The following FMO3 variants were observed in gnomAD, a reference collection of about 807,000 sequenced individuals.
The protein encoded by FMO3 is flavin containing dimethylaniline monoxygenase 3.
Under a neutral mutation model 39.4 loss-of-function variants are expected in FMO3, and 40 were observed. The observed-to-expected ratio is 1.02, with a 90% CI of 0.79 to 1.32. The LOEUF (loss-of-function observed/expected upper bound fraction) is 1.32, where lower values mean the gene tolerates loss of function less well. FMO3 is among the 40% of genes most tolerant of loss of function. The pLI, the probability that FMO3 is intolerant of heterozygous loss-of-function variation, is 0.00. For synonymous variants in FMO3, 219 were observed against 228.8 expected, an observed-to-expected ratio of 0.96 and a Z score of 0.39; for missense variants, 680 against 651.8, an observed-to-expected ratio of 1.04 and a Z score of -0.47.
chr1:171,096,071 T>TA (rs1491505210), intron 2 of FMO3, among the ~76,000 whole-genome samples: 7,288 of 53,648 alleles, frequency 0.14, 770 homozygotes, highest in African/African-American at 0.32. Flanking sequence ...ATATTATATA[T>TA]TAATATATAA....
At chr1:171,102,266 C>T (rs1303868206) in intron 2 of FMO3, among the ~76,000 whole-genome samples, 1 of 152,156 alleles carries the variant, frequency 6.6e-6, no homozygotes, top group Admixed American at 6.5e-5. Context: ...GTTAGATGAG[C>T]TCTAATTAGA....
rs1260564877 is a variant in FMO3, at chr1:171,092,618, T to C, written c.-6-35T>C. 10 of 1,610,436 alleles carry C rather than the reference T, an allele frequency of 6.2e-6. No individual in the cohort carries two copies. In the African/African-American group the frequency reaches 1.1e-4, roughly 17 times the overall value. ...ATAAGTAAATACATTTTCAGCAATG[T>C]TGTTACTGGAAATGTTCTCTGGGCC... On this transcript the variant is annotated intron_variant, in intron 1 of 8. Transcript: ENST00000367755.
At position 171,094,402 on chromosome 1, in the gene FMO3, C is replaced by T. The variant is rs369344941; in HGVS notation, c.132+1612C>T. Among the ~76,000 whole-genome samples the T allele has an allele frequency of 2.6e-4, 39 of 152,022 alleles. No individual in the cohort carries two copies. In the East Asian group the frequency reaches 6.0e-3, roughly 23 times the overall value. Reference sequence around the variant, plus strand: ...ATGCATAGCTTGCAAATATTGTCTCCCATTCTGAAGGTAGTCTGTTCACTC... The same window carrying T: ...ATGCATAGCTTGCAAATATTGTCTCTCATTCTGAAGGTAGTCTGTTCACTC... On this transcript the variant is annotated intron_variant, in intron 2 of 8. Coordinates refer to ENST00000367755, the MANE Select transcript of FMO3 (RefSeq NM_001002294.3).
intron 7 of FMO3, among the ~76,000 whole-genome samples, chr1:171,114,700 A>C (rs1445727601): frequency 1.3e-5 from 2 of 152,120 alleles, no homozygotes; most frequent in Non-Finnish European, 2.9e-5. Context: ...TGATTGCAAA[A>C]CTCAGTAGAA....
At chr1:171,107,874 A>T in intron 4 of FMO3, 37 bp downstream of exon 4, 4 of 1,589,228 alleles carry the variant, frequency 2.5e-6, no homozygotes, top group Non-Finnish European at 3.5e-6. Flanking sequence ...CACATAACTG[A>T]CAAAAATGAA....
chr1:171,102,588 A>G (rs1655449530), intron 2 of FMO3, among the ~76,000 whole-genome samples: 1 of 152,200 alleles, frequency 6.6e-6, no homozygotes, highest in Non-Finnish European at 1.5e-5. Flanking sequence ...TGACTGACAA[A>G]CTTGGCTGCA....
In FMO3 at chr1:171,104,109, A is replaced by G. The variant is rs1655534038; in HGVS notation, c.321+136A>G. ...TTAACAGTGTGGCCTCTCTAACTCTAGGTTTAGAGAATTACCTTCTTCTCA... is the reference window on the plus strand; with the variant it reads ...TTAACAGTGTGGCCTCTCTAACTCTGGGTTTAGAGAATTACCTTCTTCTCA... On this transcript the variant is annotated intron_variant, in intron 3 of 8. Transcript: ENST00000367755. The G allele has an allele frequency of 6.3e-5, 46 of 724,770 alleles. 1 individual carries two copies. The South Asian group carries it at 7.3e-4, about 12-fold the overall frequency. The allele number at this position is 724,770 out of a possible 1,614,324, so 44.9% of individuals were successfully genotyped here.
intron 8 of FMO3, among the ~76,000 whole-genome samples, chr1:171,116,869 A>C (rs574488715): frequency 6.6e-6 from 1 of 152,208 alleles, no homozygotes; most frequent in Non-Finnish European, 1.5e-5. Context: ...GGTATTTCCA[A>C]ATGAAACCAT....
Position 171,107,596 on chromosome 1 carries a change from CTT to C in FMO3, c.322-76_322-75del, listed in dbSNP as rs1655700425. 1.5e-4 allele frequency: 170 copies of C among 1,145,650 alleles called. 1 individual carries two copies. In the South Asian group the frequency reaches 2.1e-3, roughly 14 times the overall value. The allele number at this position is 1,145,650 out of a possible 1,614,324, so 71.0% of individuals were successfully genotyped here. A position where few individuals can be genotyped will look rare whatever the true frequency, so the allele number is the denominator to read the frequency against. On this transcript the variant is annotated intron_variant, in intron 3 of 8. Transcript: ENST00000367755. Reference sequence around the variant, plus strand: ...ATCATTAAATATTTTTCTTAACCCACTTTTCTTTTTTCATACTGTATCTGCCA... The same window carrying C: ...ATCATTAAATATTTTTCTTAACCCACTTCTTTTTTCATACTGTATCTGCCA...
At chr1:171,113,894 T>C (rs1227390266) in intron 6 of FMO3, 113 bp from the exon 7 acceptor site, 2 of 710,262 alleles carry the variant, frequency 2.8e-6, no homozygotes, top group East Asian at 2.7e-5. Context: ...ACTCTATGCC[T>C]CAGAAAAAAA....
At chr1:171,093,641 T>TAAAC (rs980890873) in intron 2 of FMO3, among the ~76,000 whole-genome samples, 6 of 152,086 alleles carry the variant, frequency 3.9e-5, no homozygotes, top group Non-Finnish European at 7.4e-5. Flanking sequence ...GGTGCTGCGA[T>TAAAC]AAACATATGG....
chr1:171,105,282 T>G (rs573901959), intron 3 of FMO3, among the ~76,000 whole-genome samples: 1 of 152,310 alleles, frequency 6.6e-6, no homozygotes, highest in South Asian at 2.1e-4. Flanking sequence ...CAAAGTTATT[T>G]TATGACATTA....
intron 2 of FMO3, among the ~76,000 whole-genome samples, chr1:171,094,257 G>A (rs1461720302): frequency 6.6e-6 from 1 of 152,000 alleles, no homozygotes; most frequent in African/African-American, 2.4e-5. Context: ...CCATTGGTAT[G>A]TCTTTTTTTG....
chr1:171,103,339 TTGAAG>T (rs1374126031), intron 2 of FMO3, among the ~76,000 whole-genome samples: 3 of 152,200 alleles, frequency 2.0e-5, no homozygotes, highest in Non-Finnish European at 4.4e-5. Context: ...GCATCAATTG[TTGAAG>T]TGAAGTTAAT....
At chr1:171,093,827 CTTTTTTTTTTTTTT>C (rs1228257104) in intron 2 of FMO3, among the ~76,000 whole-genome samples, 2 of 75,290 alleles carry the variant, frequency 2.7e-5, no homozygotes, top group African/African-American at 1.1e-4. Flanking sequence ...TCACTAATAT[CTTTTTTTTTTTTTT>C]TTTTTTTTTT....
chr1:171,105,297 C>G (rs1013470979), intron 3 of FMO3, among the ~76,000 whole-genome samples: 6 of 151,982 alleles, frequency 3.9e-5, no homozygotes, highest in African/African-American at 9.7e-5. Flanking sequence ...ACATTATTAC[C>G]TTTACATCAA....
At chr1:171,103,742 C>A in intron 2 of FMO3, 43 bp from the exon 3 acceptor site, 2 of 1,483,284 alleles carry the variant, frequency 1.3e-6, no homozygotes, top group Non-Finnish European at 1.9e-6. Context: ...GATCAGTATA[C>A]TCATTTACCA....
At chr1:171,100,956 T>A (rs554510650) in intron 2 of FMO3, 1 of 351,960 alleles carries the variant, frequency 2.8e-6, no homozygotes, top group Non-Finnish European at 5.6e-6. Context: ...CTATAATGAA[T>A]GCATCGTTAA....
chr1:171,109,483 T>C (rs1053353044), intron 5 of FMO3, among the ~76,000 whole-genome samples: 6 of 151,008 alleles, frequency 4.0e-5, no homozygotes, highest in African/African-American at 1.5e-4. Context: ...AAAGGGAAGA[T>C]CAATTTCAGA....
Sources: gnomAD v4.1 joint callset for allele counts (sites outside exome capture counted in the v4.1 genomes callset) on GRCh38, gnomAD v4.1.1 for gene constraint, MANE v1.5 for transcripts, NCBI Gene and HGNC (gene_info 2026-07-23, HGNC 2026-07-21) for gene names.